FAM107A: variants seen among roughly 807,000 people sequenced by gnomAD.
FAM107A encodes the protein actin-associated protein FAM107A.
FAM107A carries 19 observed loss-of-function variants against 13.7 expected under a neutral mutation model. That is an observed-to-expected ratio of 1.38 (90% confidence interval 0.97 to 2.03). FAM107A has a LOEUF of 2.03. Among genes scored for constraint, FAM107A ranks in the 30% most tolerant of loss-of-function variants. FAM107A has a pLI of 0.00. For missense variants in FAM107A, 203 were observed against 184.4 expected (o/e 1.10, Z -0.58); for synonymous variants, 82 against 74.5 (o/e 1.10, Z -0.52).
chr3:58,574,962 C>T (rs1031785621), intron 1 of FAM107A, among the ~76,000 whole-genome samples: 5 of 152,062 alleles, frequency 3.3e-5, no homozygotes, highest in Non-Finnish European at 5.9e-5. Context: ...CTGGTGCCTG[C>T]AGCCACAGGA....
At chr3:58,608,214 G>A (rs1370404765) in intron 1 of FAM107A, among the ~76,000 whole-genome samples, 1 of 152,060 alleles carries the variant, frequency 6.6e-6, no homozygotes, top group Non-Finnish European at 1.5e-5. Flanking sequence ...CCTAACATGG[G>A]GCCTGGCACA....
chr3:58,592,752 G>C (rs1217907213), intron 1 of FAM107A, among the ~76,000 whole-genome samples: 1 of 152,112 alleles, frequency 6.6e-6, no homozygotes, highest in Non-Finnish European at 1.5e-5. Flanking sequence ...AAAAAGGACT[G>C]GACAGTACTT....
rs146487201 is a variant in FAM107A at position 58,567,298 on chromosome 3, G to T, written c.237C>A (p.Leu79=). The change falls in exon 3 of 4, where the codon CTC becomes CTA. Residue 79 remains leucine (L), a synonymous_variant. Coordinates refer to ENST00000360997, the MANE Select transcript of FAM107A (RefSeq NM_001076778.3). The part of the protein sequence containing the change: ...RVLEHRRRNQ[L]IKKKKEELEA... Reference sequence around the variant, plus strand: ...CCAGCTCCTCCTTCTTCTTCTTGATGAGCTGGTTCCGCCGGCGGTGCTCTA... The same window carrying T: ...CCAGCTCCTCCTTCTTCTTCTTGATTAGCTGGTTCCGCCGGCGGTGCTCTA... 144 of 1,613,396 alleles carry T rather than the reference G, an allele frequency of 8.9e-5. No individual in the cohort carries two copies. Among genetic ancestry groups the T allele is most frequent in the Non-Finnish European group, 1.1e-4 (126 of 1,179,848 alleles).
chr3:58,577,371 G>C lies in FAM107A; in HGVS notation c.-68C>G. 1.0e-6 allele frequency: 1 copy of C among 985,424 alleles called. No homozygotes were observed. The highest frequency in any genetic ancestry group is 1.2e-6 in the Non-Finnish European group (1 of 829,952). The allele number at this position is 985,424 out of a possible 1,614,324, so 61.0% of individuals were successfully genotyped here. On this transcript the variant is annotated 5_prime_UTR_variant, in exon 1 of 4. Transcript: ENST00000360997. The surrounding 1 kb of genome is among the most constrained non-coding windows in gnomAD (Gnocchi z 4.9). ...GTGTTGCTGGGTTCCTCACTCCACCGGGAAGTCCCAGACTAGCAAGGAGGG... is the reference window on the plus strand; with the variant it reads ...GTGTTGCTGGGTTCCTCACTCCACCCGGAAGTCCCAGACTAGCAAGGAGGG...
chr3:58,586,922 C>T (rs1025456830), exon 1 of FAM107A: 1 of 1,532,090 alleles, frequency 6.5e-7, no homozygotes, highest in African/African-American at 1.4e-5. Flanking sequence ...CCCACTCGCC[C>T]AGCCTCTGCG....
intron 1 of FAM107A, among the ~76,000 whole-genome samples, chr3:58,609,767 CG>C (rs1413377765): frequency 6.6e-6 from 1 of 152,066 alleles, no homozygotes; most frequent in Non-Finnish European, 1.5e-5. Context: ...GGACCAAAGT[CG>C]GGGCCCAGAA....
At chr3:58,591,401 G>A (rs571210632), upstream of FAM107A, among the ~76,000 whole-genome samples, 9 of 152,238 alleles carry the variant, frequency 5.9e-5, no homozygotes, top group South Asian at 1.5e-3. The surrounding 1 kb of genome is among the most constrained non-coding windows in gnomAD (Gnocchi z 4.3). Context: ...GGCTGTGCCC[G>A]GCATATTCAG....
intron 1 of FAM107A, among the ~76,000 whole-genome samples, chr3:58,616,837 G>A (rs545355376): frequency 6.6e-6 from 1 of 151,886 alleles, no homozygotes; most frequent in Non-Finnish European, 1.5e-5. Flanking sequence ...GCAGTGGCAC[G>A]ATCTCGGCTC....
intron 1 of FAM107A, among the ~76,000 whole-genome samples, chr3:58,626,290 A>C (rs36000001): frequency 0.089 from 13,613 of 152,246 alleles, 829 homozygotes; most frequent in Non-Finnish European, 0.13. Context: ...TCCCCACCCC[A>C]GGATGCTGAC....
rs2063610116 is a variant in FAM107A, at chr3:58,565,434, AATTTTTTTTTTTTTT to A, written c.*1139_*1153del. ...AGACTAGGAAAAAGTAAAAAAAAAA[AATTTTTTTTTTTTTT>A]TTTTTTTTTTTGGCTAGAATTGCAT... On this transcript the variant is annotated 3_prime_UTR_variant, in exon 4 of 4. Coordinates refer to ENST00000360997, the MANE Select transcript of FAM107A (RefSeq NM_001076778.3). 1 of 125,022 alleles carries A rather than the reference AATTTTTTTTTTTTTT, an allele frequency of 8.0e-6. No homozygotes were observed. The highest frequency in any genetic ancestry group is 4.0e-5 in the African/African-American group (1 of 25,206). 7.7% of individuals were successfully genotyped at this position (125,022 alleles called of 1,614,324 possible). A position where few individuals can be genotyped will look rare whatever the true frequency, so the allele number is the denominator to read the frequency against.
At chr3:58,597,733 C>G (rs949358899) in intron 1 of FAM107A, among the ~76,000 whole-genome samples, 1 of 152,166 alleles carries the variant, frequency 6.6e-6, no homozygotes, top group Non-Finnish European at 1.5e-5. Flanking sequence ...CATGAAAGTC[C>G]TCTGAGATTA....
intron 1 of FAM107A, chr3:58,608,007 G>A (rs1324592634): frequency 6.6e-6 from 1 of 152,200 alleles, no homozygotes; most frequent in Admixed American, 6.5e-5. Context: ...TTCAGCCACT[G>A]ATTTTGTGGT....
upstream of FAM107A, among the ~76,000 whole-genome samples, chr3:58,581,127 T>C (rs1305798939): frequency 6.6e-6 from 1 of 152,220 alleles, no homozygotes; most frequent in African/African-American, 2.4e-5. Flanking sequence ...GGAAGGACTC[T>C]GGGAAGCCAG....
At chr3:58,616,153 G>A (rs1314262675) in intron 1 of FAM107A, among the ~76,000 whole-genome samples, 2 of 152,122 alleles carry the variant, frequency 1.3e-5, no homozygotes, top group Non-Finnish European at 2.9e-5. Flanking sequence ...GGAGAGAAGA[G>A]GGGATCAGAT....
chr3:58,602,204 C>T (rs1209340477), intron 1 of FAM107A, among the ~76,000 whole-genome samples: 3 of 152,242 alleles, frequency 2.0e-5, no homozygotes, highest in Admixed American at 6.5e-5. Flanking sequence ...GGTCCACAAA[C>T]GTAAGAAAGA....
intron 1 of FAM107A, among the ~76,000 whole-genome samples, chr3:58,623,534 G>T (rs900316008): frequency 7.2e-5 from 11 of 152,170 alleles, no homozygotes; most frequent in Non-Finnish European, 1.5e-4. Context: ...GCTGTGGAAG[G>T]TAAATCATCA....
At chr3:58,618,524 C>T (rs183886757) in intron 1 of FAM107A, among the ~76,000 whole-genome samples, 154 of 152,376 alleles carry the variant, frequency 1.0e-3, no homozygotes, top group African/African-American at 3.5e-3. Flanking sequence ...CCCAGGGTCC[C>T]TCATTCAGGG....
chr3:58,614,896 C>T (rs1418004357), intron 1 of FAM107A, among the ~76,000 whole-genome samples: 1 of 152,194 alleles, frequency 6.6e-6, no homozygotes, highest in East Asian at 1.9e-4. Flanking sequence ...ACCTCCGCCT[C>T]CCGGGTTCAA....
rs551530878 is a variant in FAM107A, at chr3:58,621,000, A to G, written c.-70+6416T>C. On this transcript the variant is annotated intron_variant, in intron 1 of 3. Transcript: ENST00000465970. ...GGACTTCCCCAGGGGAGAAATGTCA[A>G]CTCTAACTTTTTCAGGAGTTTCAGC... is the stretch of plus-strand genomic sequence containing the variant. 5.9e-5 allele frequency among the ~76,000 whole-genome samples: 9 copies of G among 152,002 alleles called. No homozygotes were observed. In the South Asian group the frequency reaches 1.9e-3, roughly 32 times the overall value.
Sources: allele counts gnomAD v4.1 joint callset (sites outside exome capture counted in the v4.1 genomes callset), GRCh38; gene constraint gnomAD v4.1.1; non-coding constraint Gnocchi (gnomAD v3.1); transcripts MANE v1.5; gene names NCBI Gene and HGNC (gene_info 2026-07-23, HGNC 2026-07-21).